The following ZNF236 variants were observed in gnomAD, a reference collection of about 807,000 sequenced individuals.
The protein encoded by ZNF236 is regulated by glucose.
Under a neutral mutation model 191.2 loss-of-function variants are expected in ZNF236, and 50 were observed. The observed-to-expected ratio is 0.26, with a 90% CI of 0.21 to 0.33. The LOEUF is 0.33. Ranked by LOEUF, ZNF236 falls within the 10% of genes least tolerant of loss-of-function variation. ZNF236 has a pLI of 1.00. For synonymous variants in ZNF236, 907 were observed against 928.8 expected (o/e 0.98, Z 0.43); for missense variants, 1,754 against 2,374.5 (o/e 0.74, Z 5.43).
chr18:76,879,397 G>A lies in ZNF236; in HGVS notation c.985-716G>A, dbSNP rs115361942. Among the ~76,000 whole-genome samples the A allele has an allele frequency of 6.4e-3, 973 of 152,186 alleles. 11 individuals carry two copies. Among genetic ancestry groups the A allele is most frequent in the African/African-American group, 0.022 (912 of 41,502 alleles). On this transcript the variant is annotated intron_variant, in intron 7 of 30. Transcript: ENST00000320610. Reference sequence around the variant, plus strand: ...ACATTTCTGACATGGTGCATCGGTCGGGTACATTTGTTACAACTGGTGAAC... The same window carrying A: ...ACATTTCTGACATGGTGCATCGGTCAGGTACATTTGTTACAACTGGTGAAC...
Position 76,850,278 on chromosome 18 carries a change from A to G in ZNF236, c.198+610A>G, listed in dbSNP as rs143941390. Among the ~76,000 whole-genome samples, 1,297 of 152,304 alleles carry G rather than the reference A, an allele frequency of 8.5e-3. 10 individuals carry two copies. Among genetic ancestry groups the G allele is most frequent in the Middle Eastern group, 0.024 (7 of 294 alleles). Reference sequence around the variant, plus strand: ...AGCATGTAAGCTAGTGAGCCATTTGAGACTGGAAAAACACCATGGACCTCC... The same window carrying G: ...AGCATGTAAGCTAGTGAGCCATTTGGGACTGGAAAAACACCATGGACCTCC... On this transcript the variant is annotated intron_variant, in intron 2 of 30. Coordinates refer to ENST00000320610, the MANE Select transcript of ZNF236 (RefSeq NM_001306089.2).
At chr18:76,863,190 G>C (rs1350226603) in intron 3 of ZNF236, among the ~76,000 whole-genome samples, 1 of 152,142 alleles carries the variant, frequency 6.6e-6, no homozygotes, top group African/African-American at 2.4e-5. Flanking sequence ...AATTAACAGG[G>C]CCTCAGGGAA....
rs1968838626 is a variant in ZNF236, at chr18:76,968,428, A to G, written c.*89A>G. On this transcript the variant is annotated 3_prime_UTR_variant, in exon 31 of 31. Coordinates refer to ENST00000320610, the MANE Select transcript of ZNF236 (RefSeq NM_001306089.2). Reference sequence around the variant, plus strand: ...TTGGAATCTCCGTTTTAAAGCTTCAAGTGTTAAAAATGCTACAATAGTTTT... The same window carrying G: ...TTGGAATCTCCGTTTTAAAGCTTCAGGTGTTAAAAATGCTACAATAGTTTT... 2.0e-6 allele frequency: 3 copies of G among 1,529,132 alleles called. No homozygotes were observed. The highest frequency in any genetic ancestry group is 2.5e-5 in the South Asian group (2 of 79,386). 94.7% of individuals were successfully genotyped at this position (1,529,132 alleles called of 1,614,324 possible).
intron 3 of ZNF236, among the ~76,000 whole-genome samples, chr18:76,861,980 C>T (rs1165957503): frequency 2.0e-5 from 3 of 152,208 alleles, no homozygotes; most frequent in South Asian, 2.1e-4. Flanking sequence ...TCTCCTGCCT[C>T]AGCCTCCCGA....
In ZNF236 at chr18:76,925,409, A is replaced by C. The variant is rs765407176; in HGVS notation, c.3882A>C (p.Gly1294=). Residue 1294 remains glycine (G), a synonymous_variant, in exon 22 of 31, where the codon GGA becomes GGC. Coordinates refer to ENST00000320610, the MANE Select transcript of ZNF236 (RefSeq NM_001306089.2). This position sits in a 1 kb window ranked among gnomAD's most constrained non-coding sequence, Gnocchi z 5.7. The part of the protein sequence containing the change: ...RKPMTRSSSE[G]LQPVNLLNSS... Reference sequence around the variant, plus strand: ...CTATGACTCGAAGCTCATCGGAAGGACTGCAGCCTGTAAACCTCCTCAACT... The same window carrying C: ...CTATGACTCGAAGCTCATCGGAAGGCCTGCAGCCTGTAAACCTCCTCAACT... The C allele has an allele frequency of 1.2e-6, 2 of 1,614,202 alleles. No homozygotes were observed. The highest frequency in any genetic ancestry group is 1.1e-5 in the South Asian group (1 of 91,082).
At chr18:76,840,557 G>A (rs1001769004) in intron 1 of ZNF236, among the ~76,000 whole-genome samples, 1 of 150,112 alleles carries the variant, frequency 6.7e-6, no homozygotes, top group Non-Finnish European at 1.5e-5. Flanking sequence ...GAGTTTACAC[G>A]AATACAACGA....
At position 76,960,734 on chromosome 18, in the gene ZNF236, G is replaced by A. The variant is rs200337889; in HGVS notation, c.5298G>A (p.Ala1766=). Residue 1766 remains alanine (A), a synonymous_variant, in exon 30 of 31, where the codon GCG becomes GCA. Coordinates refer to ENST00000320610, the MANE Select transcript of ZNF236 (RefSeq NM_001306089.2). This position sits in a 1 kb window ranked among gnomAD's most constrained non-coding sequence, Gnocchi z 4.4. The part of the protein sequence containing the change: ...LCEKAFNQKS[A]LQVHMKKHTG... Reference sequence around the variant, plus strand: ...AGAAAGCCTTCAACCAGAAGAGTGCGCTGCAGGTGCACATGAAGAAGCACA... The same window carrying A: ...AGAAAGCCTTCAACCAGAAGAGTGCACTGCAGGTGCACATGAAGAAGCACA... The A allele has an allele frequency of 9.2e-4, 1,491 of 1,614,192 alleles. 12 individuals carry two copies. In the African/African-American group the frequency reaches 0.017, roughly 19 times the overall value.
chr18:76,959,072 G>A (rs974085402), intron 28 of ZNF236, among the ~76,000 whole-genome samples: 1 of 152,262 alleles, frequency 6.6e-6, no homozygotes, highest in Non-Finnish European at 1.5e-5. Flanking sequence ...TTGCAGTCAC[G>A]TGAATGCAGT....
intron 26 of ZNF236, among the ~76,000 whole-genome samples, chr18:76,938,736 C>T (rs1968061457): frequency 6.6e-6 from 1 of 152,168 alleles, no homozygotes; most frequent in Admixed American, 6.5e-5. Flanking sequence ...GCACCGCACG[C>T]CAGGGTTCCT....
intron 22 of ZNF236, 118 bp from the exon 23 acceptor site, chr18:76,926,919 G>A (rs1200786270): frequency 3.3e-6 from 4 of 1,195,222 alleles, no homozygotes; most frequent in African/African-American, 1.5e-5. Flanking sequence ...CAACAACATT[G>A]TATTGACATA....
chr18:76,921,352 T>A (rs1201872129), intron 20 of ZNF236, among the ~76,000 whole-genome samples: 1 of 152,070 alleles, frequency 6.6e-6, no homozygotes, highest in African/African-American at 2.4e-5. Context: ...CGGGGTAGGA[T>A]CTAAGTTGAT....
intron 5 of ZNF236, among the ~76,000 whole-genome samples, chr18:76,873,745 G>C (rs544966949): frequency 1.3e-5 from 2 of 152,128 alleles, no homozygotes; most frequent in East Asian, 3.8e-4. Context: ...GTATCTCTTC[G>C]CAGGCAGTGT....
At position 76,925,618 on chromosome 18, in the gene ZNF236, C is replaced by T. The variant is rs374425349; in HGVS notation, c.4027+64C>T. ...TTGAACTGTTCTGTGCTGCTTCTGT[C>T]TGTTCCCACGACAGAAGAGATGTTG... On this transcript the variant is annotated intron_variant, in intron 22 of 30. Transcript: ENST00000320610. This position sits in a 1 kb window ranked among gnomAD's most constrained non-coding sequence, Gnocchi z 5.7. 67 of 1,556,732 alleles carry T rather than the reference C, an allele frequency of 4.3e-5. 1 individual carries two copies. Among genetic ancestry groups the T allele is most frequent in the East Asian group, 3.8e-4 (17 of 44,218 alleles).
At chr18:76,877,290 C>T (rs1050914478) in intron 6 of ZNF236, among the ~76,000 whole-genome samples, 3 of 152,120 alleles carry the variant, frequency 2.0e-5, no homozygotes, top group Admixed American at 6.5e-5. Context: ...GGGTGGATCA[C>T]CTGAGGTCAG....
chr18:76,942,984 G>A (rs1388900026), intron 26 of ZNF236, among the ~76,000 whole-genome samples: 12 of 150,498 alleles, frequency 8.0e-5, no homozygotes, highest in East Asian at 6.0e-4. Context: ...TTAGCCAGGC[G>A]TGGTGGCGGG....
At chr18:76,883,068 A>G (rs1420818099) in intron 9 of ZNF236, among the ~76,000 whole-genome samples, 1 of 152,224 alleles carries the variant, frequency 6.6e-6, no homozygotes, top group East Asian at 1.9e-4. Context: ...CCTTAGACCG[A>G]GAAGGTGAGC....
At chr18:76,849,731 G>C (rs1975801618) in intron 2 of ZNF236, 63 bp downstream of exon 2, 3 of 1,387,020 alleles carry the variant, frequency 2.2e-6, no homozygotes, top group African/African-American at 3.0e-5. Flanking sequence ...TTGTAAAAAT[G>C]AACAAGTAAA....
chr18:76,871,029 G>A (rs575037804), intron 4 of ZNF236, among the ~76,000 whole-genome samples: 2 of 152,268 alleles, frequency 1.3e-5, no homozygotes, highest in East Asian at 1.9e-4. Context: ...TTCTGAGGCC[G>A]CAATGGTGGC....
rs757812751 is a variant in ZNF236 at position 76,895,325 on chromosome 18, G to A, written c.1690+40G>A. On this transcript the variant is annotated intron_variant, in intron 10 of 30. Transcript: ENST00000320610. ...CTGGGCCCACACGGGCACTGGCCAC[G>A]GGGGCCACACACATTACTGCGCACA... 30 of 1,591,794 alleles carry A rather than the reference G, an allele frequency of 1.9e-5. No homozygotes were observed. In the African/African-American group the frequency reaches 2.5e-4, roughly 13 times the overall value.
Sources: gnomAD v4.1 joint callset for allele counts (sites outside exome capture counted in the v4.1 genomes callset) on GRCh38, gnomAD v4.1.1 for gene constraint, Gnocchi (gnomAD v3.1) non-coding constraint, MANE v1.5 for transcripts, NCBI Gene and HGNC (gene_info 2026-07-23, HGNC 2026-07-21) for gene names.